The following GRIK1 variants were observed in gnomAD, a reference collection of about 807,000 sequenced individuals.
GRIK1 encodes the protein glutamate receptor ionotropic, kainate 1.
A neutral mutation model predicts 105.7 loss-of-function variants in GRIK1; 69 were observed. That is an observed-to-expected ratio of 0.65 (90% confidence interval 0.54 to 0.80). The LOEUF is 0.80. Ranked by LOEUF, GRIK1 falls within the 30% of genes least tolerant of loss-of-function variation. The pLI, the probability that GRIK1 is intolerant of heterozygous loss-of-function variation, is 0.00. For synonymous variants in GRIK1, 438 were observed against 431.3 expected, an observed-to-expected ratio of 1.02 and a Z score of -0.19; for missense variants, 1,109 against 1,167.3, an observed-to-expected ratio of 0.95 and a Z score of 0.73.
At chr21:29,933,009 G>A (rs928133691) in intron 1 of GRIK1, among the ~76,000 whole-genome samples, 1 of 151,664 alleles carries the variant, frequency 6.6e-6, no homozygotes, top group Non-Finnish European at 1.5e-5. Context: ...AGATTATGTG[G>A]TTTTAAGAAT....
intron 1 of GRIK1, among the ~76,000 whole-genome samples, chr21:29,709,442 G>A (rs574395386): frequency 1.1e-4 from 17 of 151,788 alleles, no homozygotes; most frequent in Admixed American, 3.3e-4. Context: ...CACCATGCCC[G>A]GCTAATTTTT....
chr21:29,538,242 G>A (rs1267618937), intron 16 of GRIK1, among the ~76,000 whole-genome samples: 1 of 152,130 alleles, frequency 6.6e-6, no homozygotes, highest in African/African-American at 2.4e-5. Context: ...GTCCTGGTTA[G>A]AGAAATTTCT....
intron 5 of GRIK1, among the ~76,000 whole-genome samples, chr21:29,652,529 C>T (rs1395719953): frequency 6.6e-6 from 1 of 152,094 alleles, no homozygotes; most frequent in Non-Finnish European, 1.5e-5. Flanking sequence ...GACAATGTTT[C>T]AGGAAAAAAA....
At chr21:29,719,292 T>C (rs575082124) in intron 1 of GRIK1, among the ~76,000 whole-genome samples, 136 of 151,988 alleles carry the variant, frequency 8.9e-4, no homozygotes, top group Non-Finnish European at 1.7e-3. Flanking sequence ...TAGTATACTT[T>C]ACAAATTTTT....
At chr21:29,652,845 A>G (rs539576457) in intron 5 of GRIK1, among the ~76,000 whole-genome samples, 1 of 152,364 alleles carries the variant, frequency 6.6e-6, no homozygotes, top group South Asian at 2.1e-4. Context: ...CAGCAGCTTC[A>G]GAAACACTTC....
chr21:29,555,051 C>T lies in GRIK1; in HGVS notation c.2607+1G>A, dbSNP rs372328274. 24 of 1,606,960 alleles carry T rather than the reference C, an allele frequency of 1.5e-5. No individual in the cohort carries two copies. Among genetic ancestry groups the T allele is most frequent in the Non-Finnish European group, 2.0e-5 (24 of 1,174,062 alleles). ...ACCAGTCCTAGAAAGAGATGACTCA[C>T]CTGTTCAATATCATTATTCTTCCGT... On this transcript the variant is annotated splice_donor_variant, in intron 16 of 17. Transcript: ENST00000327783. LOFTEE classifies it high-confidence loss of function.
At chr21:29,599,485 T>A (rs908227528) in intron 7 of GRIK1, among the ~76,000 whole-genome samples, 5 of 152,222 alleles carry the variant, frequency 3.3e-5, no homozygotes, top group Admixed American at 1.3e-4. Flanking sequence ...GAAATTTATT[T>A]TCTCAAGGTT....
chr21:29,831,685 A>T (rs1249127144), intron 1 of GRIK1, among the ~76,000 whole-genome samples: 1 of 152,100 alleles, frequency 6.6e-6, no homozygotes, highest in Admixed American at 6.6e-5. Flanking sequence ...CCCCATGATC[A>T]AAACACCACC....
At chr21:29,753,693 T>C (rs2065262541) in intron 1 of GRIK1, among the ~76,000 whole-genome samples, 1 of 152,212 alleles carries the variant, frequency 6.6e-6, no homozygotes, top group Non-Finnish European at 1.5e-5. Flanking sequence ...AAAAGTTACC[T>C]TTAAAATCAT....
intron 13 of GRIK1, among the ~76,000 whole-genome samples, chr21:29,578,786 G>A (rs1026585886): frequency 6.6e-6 from 1 of 152,034 alleles, no homozygotes; most frequent in Non-Finnish European, 1.5e-5. Flanking sequence ...AATGCCCAAG[G>A]TTGTTTCATA....
chr21:29,796,167 A>C (rs1174657835), intron 1 of GRIK1, among the ~76,000 whole-genome samples: 1 of 152,208 alleles, frequency 6.6e-6, no homozygotes, highest in Non-Finnish European at 1.5e-5. Flanking sequence ...CACATCTACA[A>C]GTTTCAGAAA....
At chr21:29,772,043 C>A (rs535866845) in intron 1 of GRIK1, among the ~76,000 whole-genome samples, 80 of 152,174 alleles carry the variant, frequency 5.3e-4, no homozygotes, top group Non-Finnish European at 7.1e-4. Flanking sequence ...ATAGTTTATT[C>A]GTTGGAACTT....
intron 1 of GRIK1, among the ~76,000 whole-genome samples, chr21:29,914,366 C>T (rs751586229): frequency 2.9e-4 from 44 of 152,148 alleles, no homozygotes; most frequent in African/African-American, 4.6e-4. Flanking sequence ...CTGGGACTTC[C>T]GAGAAAGCTC....
At chr21:29,863,699 T>C (rs992859826) in intron 1 of GRIK1, among the ~76,000 whole-genome samples, 1 of 152,180 alleles carries the variant, frequency 6.6e-6, no homozygotes, top group African/African-American at 2.4e-5. Context: ...CAGCCATGAG[T>C]ATTTTCATGA....
chr21:29,846,465 GAA>G (rs1491354692), intron 1 of GRIK1, among the ~76,000 whole-genome samples: 2,750 of 39,858 alleles, frequency 0.069, 34 homozygotes, highest in Middle Eastern at 0.12. Context: ...AAGAGAGAGA[GAA>G]AGAAAGAAAG....
chr21:29,689,501 AG>A (rs200822272), intron 3 of GRIK1, among the ~76,000 whole-genome samples: 2 of 152,234 alleles, frequency 1.3e-5, no homozygotes, highest in South Asian at 2.1e-4. Context: ...TTTAAAAAAA[AG>A]TTCCCATATA....
chr21:29,690,064 A>C, intron 2 of GRIK1, 79 bp from the exon 3 acceptor site: 1 of 1,156,796 alleles, frequency 8.6e-7, no homozygotes, highest in Non-Finnish European at 1.2e-6. Context: ...TATGAATTTA[A>C]TTTTTTCTTT....
intron 3 of GRIK1, among the ~76,000 whole-genome samples, chr21:29,676,651 C>A (rs1452688997): frequency 1.3e-5 from 2 of 152,098 alleles, no homozygotes; most frequent in African/African-American, 4.8e-5. Context: ...GGTGAAGGTG[C>A]ATGTAATGCT....
In GRIK1 at chr21:29,751,010, C is replaced by T. The variant is rs140520128; in HGVS notation, c.119-56947G>A. Among the ~76,000 whole-genome samples the T allele has an allele frequency of 3.7e-3, 563 of 152,102 alleles. 3 individuals are homozygous for T. The highest frequency in any genetic ancestry group is 0.013 in the African/African-American group (544 of 41,466). On this transcript the variant is annotated intron_variant, in intron 1 of 17. Transcript: ENST00000327783. ...AAAATTACAGTCAAAGGGGGTTGTT[C>T]GCTGGCAGGCAGGGACAGGGGTCAC...
Sources: allele counts gnomAD v4.1 joint callset (sites outside exome capture counted in the v4.1 genomes callset), GRCh38; gene constraint gnomAD v4.1.1; transcripts MANE v1.5; gene names NCBI Gene and HGNC (gene_info 2026-07-23, HGNC 2026-07-21).